LAMC3: variants seen among roughly 807,000 people sequenced by gnomAD.
LAMC3 encodes laminin subunit gamma 3, also known as laminin subunit gamma-3.
LAMC3 carries 128 observed loss-of-function variants against 173.8 expected under a neutral mutation model. The observed-to-expected ratio is 0.74, with a 90% CI of 0.64 to 0.85. The LOEUF is 0.85. LAMC3 is among the 40% of genes least tolerant of loss of function. LAMC3 has a pLI of 0.00. For missense variants in LAMC3, 2,022 were observed against 2,156.0 expected (o/e 0.94, Z 1.23); for synonymous variants, 897 against 909.1 (o/e 0.99, Z 0.24).
chr9:131,065,049 A>AG lies in LAMC3; in HGVS notation c.2348-1911_2348-1910insG, dbSNP rs1362575409. Among the ~76,000 whole-genome samples, 42 of 134,728 alleles carry AG rather than the reference A, an allele frequency of 3.1e-4. 1 individual carries two copies. In the South Asian group the frequency reaches 9.4e-3, roughly 30 times the overall value. 88.4% of individuals were successfully genotyped at this position (134,728 alleles called of 152,430 possible). On this transcript the variant is annotated intron_variant, in intron 13 of 27. Transcript: ENST00000361069. ...GAACAAGACTCCATCTAAAAAAAAAAAAAAAAAAAAGAAAAGGAAAGAAAA... is the reference window on the plus strand; with the variant it reads ...GAACAAGACTCCATCTAAAAAAAAAAGAAAAAAAAAAGAAAAGGAAAGAAAA...
chr9:131,058,260 C>T lies in LAMC3; in HGVS notation c.2158+1113C>T, dbSNP rs916648874. On this transcript the variant is annotated intron_variant, in intron 12 of 27. Coordinates refer to ENST00000361069, the MANE Select transcript of LAMC3 (RefSeq NM_006059.4). ...CCTCCTGTGTAGCTGGGATTACAGA[C>T]GCCTGTCACCATCCTCGGCTAATTT... Among the ~76,000 whole-genome samples the T allele has an allele frequency of 5.3e-5, 8 of 152,214 alleles. No individual in the cohort carries two copies. The South Asian group carries it at 1.0e-3, about 20-fold the overall frequency.
chr9:131,067,048 T>C lies in LAMC3; in HGVS notation c.2436T>C (p.Cys812=), dbSNP rs774745665. The change falls in exon 14 of 28, where the codon TGT becomes TGC. Residue 812 remains cysteine (C), a synonymous_variant. Coordinates refer to ENST00000361069, the MANE Select transcript of LAMC3 (RefSeq NM_006059.4). ...GHPQPCHQCQ[C]SGNVDPNAVG... ...CCCAGCCCTGCCACCAGTGCCAGTG[T>C]AGCGGGAACGTGGACCCCAATGCCG... 2 of 1,614,118 alleles carry C rather than the reference T, an allele frequency of 1.2e-6. No homozygotes were observed. Among genetic ancestry groups the C allele is most frequent in the Non-Finnish European group, 1.7e-6 (2 of 1,180,014 alleles).
At chr9:131,055,423 CTTTTT>C (rs56220728) in intron 11 of LAMC3, among the ~76,000 whole-genome samples, 2 of 109,220 alleles carry the variant, frequency 1.8e-5, no homozygotes, top group African/African-American at 7.1e-5. Flanking sequence ...TCTTTTCTTT[CTTTTT>C]TTTTTTTTTT....
chr9:131,021,735 C>T (rs1034237623), intron 1 of LAMC3, among the ~76,000 whole-genome samples: 3 of 152,182 alleles, frequency 2.0e-5, no homozygotes, highest in African/African-American at 7.2e-5. Context: ...CTAGGCCTCA[C>T]GAACTTCTGA....
At chr9:131,047,898 T>C (rs929136554) in intron 8 of LAMC3, among the ~76,000 whole-genome samples, 16 of 134,848 alleles carry the variant, frequency 1.2e-4, no homozygotes, top group Admixed American at 1.2e-3. Flanking sequence ...TAAATTTTTA[T>C]TATTTTTATT....
chr9:131,056,064 C>T (rs1437677278), intron 11 of LAMC3, among the ~76,000 whole-genome samples: 1 of 151,810 alleles, frequency 6.6e-6, no homozygotes, highest in Non-Finnish European at 1.5e-5. Flanking sequence ...GGTGTGGTGC[C>T]ACACACCTTT....
At chr9:131,085,775 G>T in intron 25 of LAMC3, 52 bp downstream of exon 25, 1 of 1,561,216 alleles carries the variant, frequency 6.4e-7, no homozygotes, top group Non-Finnish European at 8.8e-7. Context: ...CGGGGGGACC[G>T]CCCTTCCGCG....
chr9:131,080,803 C>G (rs531432083), intron 23 of LAMC3, among the ~76,000 whole-genome samples: 324 of 152,224 alleles, frequency 2.1e-3, no homozygotes, highest in Non-Finnish European at 3.5e-3. Flanking sequence ...ACAGATGCCT[C>G]ACCCCACCAC....
Position 131,009,235 on chromosome 9 carries a change from G to C in LAMC3, c.21G>C (p.Leu7=). 1 of 1,252,674 alleles carries C rather than the reference G, an allele frequency of 8.0e-7. No homozygotes were observed. The highest frequency in any genetic ancestry group is 1.0e-6 in the Non-Finnish European group (1 of 1,003,244). The allele number at this position is 1,252,674 out of a possible 1,614,324, so 77.6% of individuals were successfully genotyped here. The part of the protein sequence containing the change: MAAAAL[L]LGLALLAPRA... The stretch of plus-strand genomic sequence containing the variant: ...TGACCATGGCGGCGGCTGCGCTTCT[G>C]CTGGGGCTGGCGCTGCTGGCACCGC... The change falls in exon 1 of 28, where the codon CTG becomes CTC. Residue 7 remains leucine (L), a synonymous_variant. Transcript: ENST00000361069. The surrounding 1 kb of genome is among the most constrained non-coding windows in gnomAD (Gnocchi z 4.3).
At chr9:131,082,402 C>T (rs1165436218) in intron 24 of LAMC3, among the ~76,000 whole-genome samples, 1 of 152,204 alleles carries the variant, frequency 6.6e-6, no homozygotes, top group East Asian at 1.9e-4. Flanking sequence ...CATGCAGAGC[C>T]CCTCCAGACC....
intron 12 of LAMC3, 36 bp downstream of exon 12, chr9:131,057,183 G>C (rs1352852931): frequency 1.9e-6 from 3 of 1,577,570 alleles, no homozygotes; most frequent in Admixed American, 3.3e-5. Context: ...AGGCACCTGG[G>C]TTATACCCAA....
chr9:131,069,275 C>T (rs940169091), intron 16 of LAMC3, among the ~76,000 whole-genome samples: 2 of 152,172 alleles, frequency 1.3e-5, no homozygotes, highest in Admixed American at 6.5e-5. Flanking sequence ...GCTTGTGACC[C>T]TCGCCCAAGT....
chr9:131,023,544 T>C (rs560687574), intron 1 of LAMC3, among the ~76,000 whole-genome samples: 35 of 152,374 alleles, frequency 2.3e-4, no homozygotes, highest in Admixed American at 1.1e-3. Flanking sequence ...GAGCATTTTT[T>C]CTTGTGTTTC....
In LAMC3 at chr9:131,064,498, G is replaced by A. The variant is rs1335663622; in HGVS notation, c.2348-2462G>A. Among the ~76,000 whole-genome samples, 3 of 151,710 alleles carry A rather than the reference G, an allele frequency of 2.0e-5. No homozygotes were observed. In the Middle Eastern group the frequency reaches 0.01, roughly 516 times the overall value. ...CTAACACGGTGAAACCCCATCTCTA[G>A]TAAAAATACAAAAAATTAGCCGGGC... is the stretch of plus-strand genomic sequence containing the variant. On this transcript the variant is annotated intron_variant, in intron 13 of 27. Coordinates refer to ENST00000361069, the MANE Select transcript of LAMC3 (RefSeq NM_006059.4).
intron 1 of LAMC3, among the ~76,000 whole-genome samples, chr9:131,025,649 GC>G (rs1186495242): frequency 6.6e-6 from 1 of 152,136 alleles, no homozygotes; most frequent in African/African-American, 2.4e-5. Context: ...CCTGGCTGTG[GC>G]CACCAGGGGC....
At chr9:131,084,779 A>G (rs142001657) in intron 24 of LAMC3, among the ~76,000 whole-genome samples, 11 of 151,986 alleles carry the variant, frequency 7.2e-5, no homozygotes, top group Non-Finnish European at 1.0e-4. Flanking sequence ...TGTGCTTATA[A>G]TCTCAGCTAC....
At chr9:131,041,105 G>A (rs1401290401) in intron 6 of LAMC3, among the ~76,000 whole-genome samples, 1 of 152,174 alleles carries the variant, frequency 6.6e-6, no homozygotes, top group Non-Finnish European at 1.5e-5. Context: ...GGTGGCTCAT[G>A]TATGTAATCC....
At chr9:131,056,853 A>G in intron 11 of LAMC3, 76 bp from the exon 12 acceptor site, 1 of 1,145,478 alleles carries the variant, frequency 8.7e-7, no homozygotes, top group Admixed American at 1.7e-5. Context: ...CCATATGTGA[A>G]CAGGAAGGTT....
chr9:131,024,849 ACT>A (rs1023423169), intron 1 of LAMC3, among the ~76,000 whole-genome samples: 47 of 151,908 alleles, frequency 3.1e-4, no homozygotes, highest in South Asian at 1.0e-3. Flanking sequence ...TGAGCAGGTA[ACT>A]CTGCAGGAGG....
Sources: allele counts gnomAD v4.1 joint callset (sites outside exome capture counted in the v4.1 genomes callset), GRCh38; gene constraint gnomAD v4.1.1; non-coding constraint Gnocchi (gnomAD v3.1); transcripts MANE v1.5; gene names NCBI Gene and HGNC (gene_info 2026-07-23, HGNC 2026-07-21).